The following ADAM12 variants were observed in gnomAD, a reference collection of about 807,000 sequenced individuals.
ADAM12 encodes the protein disintegrin and metalloproteinase domain-containing protein 12.
Under a neutral mutation model 106.4 loss-of-function variants are expected in ADAM12, and 70 were observed. The observed-to-expected ratio is 0.66, with a 90% CI of 0.54 to 0.80. The LOEUF is 0.80. Among genes scored for constraint, ADAM12 ranks in the 30% least tolerant of loss-of-function variants. The probability of loss-of-function intolerance (pLI) is 0.00; values close to 1 mark genes in which losing one functional copy is unlikely to be tolerated. For missense variants in ADAM12, 1,010 were observed against 1,171.9 expected, an observed-to-expected ratio of 0.86 and a Z score of 2.02; for synonymous variants, 420 against 433.5, an observed-to-expected ratio of 0.97 and a Z score of 0.39.
At chr10:126,027,589 T>A (rs1221160392) in intron 21 of ADAM12, among the ~76,000 whole-genome samples, 1 of 152,076 alleles carries the variant, frequency 6.6e-6, no homozygotes, top group African/African-American at 2.4e-5. Flanking sequence ...ATGTGATTCA[T>A]CACATAAACA....
intron 3 of ADAM12, among the ~76,000 whole-genome samples, chr10:126,168,131 G>T (rs968237109): frequency 6.6e-6 from 1 of 152,160 alleles, no homozygotes; most frequent in Non-Finnish European, 1.5e-5. Flanking sequence ...GTGGAGAGAG[G>T]TGCCTTTTCA....
At chr10:126,159,307 C>CAAAAAAAAAAAAAAAA (rs3069557) in intron 3 of ADAM12, among the ~76,000 whole-genome samples, 2 of 80,630 alleles carry the variant, frequency 2.5e-5, no homozygotes, top group East Asian at 3.4e-4. Flanking sequence ...GAGACTCCAT[C>CAAAAAAAAAAAAAAAA]AAAAAAAAAA....
At chr10:126,107,084 G>GGC (rs1955786597) in intron 8 of ADAM12, among the ~76,000 whole-genome samples, 1 of 152,036 alleles carries the variant, frequency 6.6e-6, no homozygotes, top group South Asian at 2.1e-4. Flanking sequence ...ATGCATGCAG[G>GGC]GCACACACAC....
intron 5 of ADAM12, among the ~76,000 whole-genome samples, chr10:126,120,854 G>T (rs113955465): frequency 4.2e-5 from 6 of 141,288 alleles, no homozygotes; most frequent in African/African-American, 1.6e-4. Context: ...TGAGGTTTAG[G>T]GCATTAGTTC....
chr10:126,070,122 G>A (rs189091988), intron 12 of ADAM12, among the ~76,000 whole-genome samples: 30 of 152,226 alleles, frequency 2.0e-4, no homozygotes, highest in Non-Finnish European at 2.9e-5. Flanking sequence ...AAATTAACAA[G>A]GCCTACAAGG....
At chr10:126,115,795 G>A (rs1418928317) in intron 6 of ADAM12, among the ~76,000 whole-genome samples, 1 of 152,054 alleles carries the variant, frequency 6.6e-6, no homozygotes, top group Non-Finnish European at 1.5e-5. Context: ...GCATAAGTGG[G>A]GCAGGAAATG....
At chr10:126,299,538 T>C (rs1225734897) in intron 2 of ADAM12, among the ~76,000 whole-genome samples, 1 of 152,190 alleles carries the variant, frequency 6.6e-6, no homozygotes, top group Non-Finnish European at 1.5e-5. Flanking sequence ...GCCAGGAATT[T>C]TCTACTAAGC....
rs1225386153 is a variant in ADAM12, at chr10:126,049,138, TG to T, written c.1917+114del. ...ATTGACTTTTTCTTCTAGGTGCATC[TG>T]AGAAGAAGTAGATTTAGGAAAACCA... On this transcript the variant is annotated intron_variant, in intron 16 of 22. Coordinates refer to ENST00000448723, the MANE Select transcript of ADAM12 (RefSeq NM_001288973.2). This position sits in a 1 kb window ranked among gnomAD's most constrained non-coding sequence, Gnocchi z 4.4. The T allele has an allele frequency of 7.5e-7, 1 of 1,335,648 alleles. No homozygotes were observed. The highest frequency in any genetic ancestry group is 1.0e-6 in the Non-Finnish European group (1 of 954,058). 82.7% of individuals were successfully genotyped at this position (1,335,648 alleles called of 1,614,324 possible). A position where few individuals can be genotyped will look rare whatever the true frequency, so the allele number is the denominator to read the frequency against.
At chr10:126,302,190 C>T (rs1382628401) in intron 2 of ADAM12, among the ~76,000 whole-genome samples, 3 of 152,126 alleles carry the variant, frequency 2.0e-5, no homozygotes, top group Non-Finnish European at 4.4e-5. Context: ...GGGTTTTGTC[C>T]GTCCAAACTG....
intron 18 of ADAM12, 25 bp from the exon 19 acceptor site, chr10:126,039,454 C>CAGA (rs775573787): frequency 6.2e-6 from 10 of 1,613,396 alleles, no homozygotes; most frequent in Non-Finnish European, 8.5e-6. Context: ...ATGGGGCTCA[C>CAGA]AGAAGGAGGC....
At chr10:126,119,817 T>C (rs1411379514) in intron 5 of ADAM12, among the ~76,000 whole-genome samples, 1 of 152,222 alleles carries the variant, frequency 6.6e-6, no homozygotes, top group Non-Finnish European at 1.5e-5. Context: ...CCTTGGGCTG[T>C]CGGGTTCCTT....
chr10:126,358,049 G>A (rs1410853067), intron 1 of ADAM12, among the ~76,000 whole-genome samples: 1 of 151,980 alleles, frequency 6.6e-6, no homozygotes, highest in East Asian at 1.9e-4. Context: ...GAGGTGGCGG[G>A]TGCCTGTAGT....
chr10:126,319,595 C>A (rs1371278268), intron 2 of ADAM12, among the ~76,000 whole-genome samples: 2 of 152,128 alleles, frequency 1.3e-5, no homozygotes, highest in African/African-American at 2.4e-5. Flanking sequence ...CCAAGAGGAG[C>A]CTTCAGAGAC....
At chr10:126,159,025 C>T (rs1350127318) in intron 3 of ADAM12, among the ~76,000 whole-genome samples, 4 of 152,114 alleles carry the variant, frequency 2.6e-5, no homozygotes, top group African/African-American at 9.7e-5. Flanking sequence ...AAAAAGAGCA[C>T]ACGGCTGGGC....
chr10:126,055,576 A>T (rs1954611970), intron 14 of ADAM12, among the ~76,000 whole-genome samples: 1 of 152,178 alleles, frequency 6.6e-6, no homozygotes, highest in Non-Finnish European at 1.5e-5. Flanking sequence ...CTTGCCGAAG[A>T]TCACAATGTA....
At chr10:126,361,256 G>A (rs1240339463) in intron 1 of ADAM12, among the ~76,000 whole-genome samples, 1 of 151,968 alleles carries the variant, frequency 6.6e-6, no homozygotes, top group South Asian at 2.1e-4. Context: ...CTTGTATATT[G>A]AAAATTATAA....
At chr10:126,275,296 T>C (rs771751955) in intron 3 of ADAM12, among the ~76,000 whole-genome samples, 1 of 152,164 alleles carries the variant, frequency 6.6e-6, no homozygotes, top group Non-Finnish European at 1.5e-5. Context: ...AGGGATCTAG[T>C]AGAAGTATGA....
In ADAM12 at chr10:126,158,525, G is replaced by A. The variant is rs1956866622; in HGVS notation, c.261-3220C>T. 3.5e-5 allele frequency among the ~76,000 whole-genome samples: 3 copies of A among 84,654 alleles called. 1 individual carries two copies. The South Asian group carries it at 1.7e-3, about 49-fold the overall frequency. 55.5% of individuals were successfully genotyped at this position (84,654 alleles called of 152,430 possible). A position where few individuals can be genotyped will look rare whatever the true frequency, so the allele number is the denominator to read the frequency against. On this transcript the variant is annotated intron_variant, in intron 3 of 22. Coordinates refer to ENST00000448723, the MANE Select transcript of ADAM12 (RefSeq NM_001288973.2). ...GAGAGGATGCACAGAGCACGGGGAG[G>A]ATGCACAGAGCACGGGGAGGATGCA...
At chr10:126,022,097 A>G (rs1370631933) in intron 21 of ADAM12, among the ~76,000 whole-genome samples, 1 of 152,212 alleles carries the variant, frequency 6.6e-6, no homozygotes, top group Non-Finnish European at 1.5e-5. Context: ...GCTGGAGAAA[A>G]AGTGAGGTAT....
Sources: allele counts gnomAD v4.1 joint callset (sites outside exome capture counted in the v4.1 genomes callset), GRCh38; gene constraint gnomAD v4.1.1; non-coding constraint Gnocchi (gnomAD v3.1); transcripts MANE v1.5; gene names NCBI Gene and HGNC (gene_info 2026-07-23, HGNC 2026-07-21).